The following GMDS variants were observed in gnomAD, a reference collection of about 807,000 sequenced individuals.
The protein encoded by GMDS is GDP-mannose 4,6 dehydratase.
Under a neutral mutation model 49.9 loss-of-function variants are expected in GMDS, and 20 were observed. The ratio of observed to expected loss-of-function variants is 0.40; its 90% CI spans 0.28 to 0.58. The LOEUF is 0.58. Ranked by LOEUF, GMDS falls within the 20% of genes least tolerant of loss-of-function variation. The pLI is 0.42. For missense variants in GMDS, 362 were observed against 481.4 expected (o/e 0.75, Z 2.32); for synonymous variants, 177 against 178.6 (o/e 0.99, Z 0.07).
At chr6:1,826,760 G>A (rs1335250168) in intron 7 of GMDS, among the ~76,000 whole-genome samples, 1 of 152,044 alleles carries the variant, frequency 6.6e-6, no homozygotes, top group Non-Finnish European at 1.5e-5. Context: ...TAGAGCTATT[G>A]TTTATTATAA....
chr6:1,784,019 T>C lies in GMDS; in HGVS notation c.772-41433A>G, dbSNP rs534532962. ...AACCATGAACATGTCTCAACTTCAC[T>C]GAAGGCCTTAGTTAAGGCCCTAACA... On this transcript the variant is annotated intron_variant, in intron 7 of 10. Coordinates refer to ENST00000380815, the MANE Select transcript of GMDS (RefSeq NM_001500.4). Among the ~76,000 whole-genome samples the C allele has an allele frequency of 6.6e-5, 10 of 152,290 alleles. No individual in the cohort carries two copies. The South Asian group carries it at 1.2e-3, about 19-fold the overall frequency.
chr6:2,016,084 A>T (rs1425839079), intron 4 of GMDS, among the ~76,000 whole-genome samples: 2 of 80,774 alleles, frequency 2.5e-5, no homozygotes, highest in African/African-American at 9.3e-5. Context: ...AAAAAAAATA[A>T]ATTAAAAAAA....
chr6:2,191,978 C>T lies in GMDS; in HGVS notation c.102+53343G>A, dbSNP rs1365670612. On this transcript the variant is annotated intron_variant, in intron 1 of 10. Transcript: ENST00000380815. This position sits in a 1 kb window ranked among gnomAD's most constrained non-coding sequence, Gnocchi z 4.6. Reference sequence around the variant, plus strand: ...CCCATGGACCAACTGGCACACACTTCCTCCACTCTGAGGCCCATAAAAGCC... The same window carrying T: ...CCCATGGACCAACTGGCACACACTTTCTCCACTCTGAGGCCCATAAAAGCC... Among the ~76,000 whole-genome samples the T allele has an allele frequency of 3.3e-5, 5 of 152,192 alleles. No homozygotes were observed. The highest frequency in any genetic ancestry group is 1.2e-4 in the African/African-American group (5 of 41,448).
chr6:1,979,407 A>G (rs749789630), intron 4 of GMDS, among the ~76,000 whole-genome samples: 1 of 152,248 alleles, frequency 6.6e-6, no homozygotes, highest in African/African-American at 2.4e-5. Context: ...AATCACAAAT[A>G]TTAACAGCAG....
In GMDS at chr6:1,644,329, G is replaced by A. The variant is rs150355893; in HGVS notation, c.988-19789C>T. Among the ~76,000 whole-genome samples, 696 of 152,312 alleles carry A rather than the reference G, an allele frequency of 4.6e-3. 6 individuals carry two copies. Among genetic ancestry groups the A allele is most frequent in the Middle Eastern group, 0.01 (3 of 294 alleles). On this transcript the variant is annotated intron_variant, in intron 9 of 10. Coordinates refer to ENST00000380815, the MANE Select transcript of GMDS (RefSeq NM_001500.4). ...GCAGATTGCCACCTGGAAGCCCTCT[G>A]CTGGGCATCCAAACCTGCCCTCAAC... is the stretch of plus-strand genomic sequence containing the variant.
chr6:1,657,718 C>CA (rs1259899742), intron 9 of GMDS, among the ~76,000 whole-genome samples: 1 of 152,160 alleles, frequency 6.6e-6, no homozygotes, highest in Non-Finnish European at 1.5e-5. Context: ...TCAGAAATGA[C>CA]AGTCGGGGGC....
At chr6:1,779,926 C>G (rs1464697063) in intron 7 of GMDS, among the ~76,000 whole-genome samples, 3 of 152,164 alleles carry the variant, frequency 2.0e-5, no homozygotes, top group African/African-American at 7.2e-5. Context: ...TGGAGAGAAT[C>G]ACCTTTCCCA....
At chr6:1,691,325 C>T (rs960015662) in intron 9 of GMDS, among the ~76,000 whole-genome samples, 5 of 149,092 alleles carry the variant, frequency 3.4e-5, no homozygotes, top group East Asian at 2.0e-4. Context: ...CACATGGACA[C>T]GGGGAGGGGC....
chr6:1,737,831 C>CCA (rs60568944), intron 8 of GMDS, among the ~76,000 whole-genome samples: 139,386 of 143,386 alleles, frequency 0.97, 67,739 homozygotes, highest in Admixed American at 0.98. Flanking sequence ...CAAAGACACA[C>CCA]CACACACACA....
chr6:1,888,797 C>T (rs888495426), intron 7 of GMDS, among the ~76,000 whole-genome samples: 2 of 152,200 alleles, frequency 1.3e-5, no homozygotes, highest in African/African-American at 2.4e-5. Flanking sequence ...AATGAGGGTA[C>T]AGGCATTGGG....
rs572473169 is a variant in GMDS, at chr6:1,630,649, A to G, written c.988-6109T>C. Among the ~76,000 whole-genome samples, 9 of 152,358 alleles carry G rather than the reference A, an allele frequency of 5.9e-5. No homozygotes were observed. The South Asian group carries it at 1.5e-3, about 25-fold the overall frequency. On this transcript the variant is annotated intron_variant, in intron 9 of 10. Transcript: ENST00000380815. Reference sequence around the variant, plus strand: ...ACAGGTTTCTTTAAATGAAATAACCATATAAGACTTTGGGGATGTCATCTT... The same window carrying G: ...ACAGGTTTCTTTAAATGAAATAACCGTATAAGACTTTGGGGATGTCATCTT...
At chr6:2,055,591 C>T (rs959297182) in intron 4 of GMDS, among the ~76,000 whole-genome samples, 1 of 152,086 alleles carries the variant, frequency 6.6e-6, no homozygotes, top group Admixed American at 6.6e-5. Flanking sequence ...CCCTTAACCT[C>T]ATAGGTTAGC....
In GMDS at chr6:1,881,231, C is replaced by T. The variant is rs774681656; in HGVS notation, c.771+48872G>A. ...TCCTGCAGAAATGGAACAAGTGATACAGACAATAAACTTGGAATGTATACT... is the reference window on the plus strand; with the variant it reads ...TCCTGCAGAAATGGAACAAGTGATATAGACAATAAACTTGGAATGTATACT... On this transcript the variant is annotated intron_variant, in intron 7 of 10. Transcript: ENST00000380815. 2.0e-5 allele frequency among the ~76,000 whole-genome samples: 3 copies of T among 152,030 alleles called. No individual in the cohort carries two copies. The South Asian group carries it at 6.2e-4, about 32-fold the overall frequency.
At chr6:2,213,935 A>G (rs927494106) in intron 1 of GMDS, among the ~76,000 whole-genome samples, 3 of 152,238 alleles carry the variant, frequency 2.0e-5, no homozygotes, top group East Asian at 3.8e-4. Context: ...TTTCATTTAA[A>G]TATTTTCAAA....
At chr6:2,238,002 G>A (rs898500251) in intron 1 of GMDS, among the ~76,000 whole-genome samples, 5 of 152,148 alleles carry the variant, frequency 3.3e-5, no homozygotes, top group African/African-American at 1.2e-4. Flanking sequence ...AGACAGGGAA[G>A]AAGACTGGCT....
chr6:2,112,465 G>C (rs1486551986), intron 4 of GMDS, among the ~76,000 whole-genome samples: 1 of 152,082 alleles, frequency 6.6e-6, no homozygotes, highest in Non-Finnish European at 1.5e-5. Context: ...CCAGACCAGG[G>C]ACAGCATCAT....
At chr6:1,893,001 AGG>A (rs2113843920) in intron 7 of GMDS, among the ~76,000 whole-genome samples, 1 of 152,216 alleles carries the variant, frequency 6.6e-6, no homozygotes, top group East Asian at 1.9e-4. Flanking sequence ...TAATTAAGCC[AGG>A]GCCAGGAAGA....
intron 9 of GMDS, among the ~76,000 whole-genome samples, chr6:1,673,570 T>C (rs1764494330): frequency 6.6e-6 from 1 of 152,086 alleles, no homozygotes; most frequent in Non-Finnish European, 1.5e-5. Context: ...ATCCATAGAT[T>C]TTTACATTAG....
At chr6:2,055,105 C>T (rs1163779314) in intron 4 of GMDS, among the ~76,000 whole-genome samples, 1 of 151,996 alleles carries the variant, frequency 6.6e-6, no homozygotes, top group Non-Finnish European at 1.5e-5. Flanking sequence ...TTGGTGATGA[C>T]AGAGTCAGTA....
Sources: gnomAD v4.1 joint callset for allele counts (sites outside exome capture counted in the v4.1 genomes callset) on GRCh38, gnomAD v4.1.1 for gene constraint, Gnocchi (gnomAD v3.1) non-coding constraint, MANE v1.5 for transcripts, NCBI Gene and HGNC (gene_info 2026-07-23, HGNC 2026-07-21) for gene names.